The following GMDS variants were observed in gnomAD, a reference collection of about 807,000 sequenced individuals.
GMDS encodes GDP-mannose 4,6 dehydratase.
GMDS carries 20 observed loss-of-function variants against 49.9 expected under a neutral mutation model. That is an observed-to-expected ratio of 0.40 (90% CI 0.28 to 0.58). GMDS has a LOEUF of 0.58. Ranked by LOEUF, GMDS falls within the 20% of genes least tolerant of loss-of-function variation. The probability of loss-of-function intolerance (pLI) is 0.42; values close to 1 mark genes in which losing one functional copy is unlikely to be tolerated. For missense variants in GMDS, 362 were observed against 481.4 expected (o/e 0.75, Z 2.32); for synonymous variants, 177 against 178.6 (o/e 0.99, Z 0.07).
intron 8 of GMDS, among the ~76,000 whole-genome samples, chr6:1,734,648 A>G (rs1466571309): frequency 6.6e-6 from 1 of 152,224 alleles, no homozygotes; most frequent in Non-Finnish European, 1.5e-5. Flanking sequence ...CTCCTCAAAC[A>G]TTAATTTCAG....
At chr6:1,872,472 GCT>G (rs1758813772) in intron 7 of GMDS, among the ~76,000 whole-genome samples, 1 of 152,100 alleles carries the variant, frequency 6.6e-6, no homozygotes, top group Admixed American at 6.6e-5. Context: ...TTCCCCAATC[GCT>G]CTGTCAGAAC....
At chr6:2,194,031 T>A (rs1473725415) in intron 1 of GMDS, among the ~76,000 whole-genome samples, 1 of 76,586 alleles carries the variant, frequency 1.3e-5, no homozygotes, top group Non-Finnish European at 2.3e-5. Flanking sequence ...AAAAATGCTA[T>A]TTTTTTTTAA....
chr6:2,024,824 T>TA (rs200683361), intron 4 of GMDS, among the ~76,000 whole-genome samples: 2,671 of 151,414 alleles, frequency 0.018, 80 homozygotes, highest in African/African-American at 0.062. Context: ...ACTCCTAAGT[T>TA]AAAAAAAATA....
chr6:1,624,530 T>A lies in GMDS; in HGVS notation c.998A>T (p.Gln333Leu), dbSNP rs1194072804. Residue 333 changes from glutamine to leucine, a missense_variant, in exon 10 of 11, where the codon CAG becomes CTG. Coordinates refer to ENST00000380815, the MANE Select transcript of GMDS (RefSeq NM_001500.4). ...CTGTTTCGCTTTGGTGCAGTCGCCC[T>A]GCAGAAAGTCCTAGGGAAGAAGAGG... is the stretch of plus-strand genomic sequence containing the variant. ...YYRPTEVDFL[Q>L]GDCTKAKQKL... 3 of 1,613,294 alleles carry A rather than the reference T, an allele frequency of 1.9e-6. No individual in the cohort carries two copies. The highest frequency in any genetic ancestry group is 2.2e-5 in the East Asian group (1 of 44,842).
intron 4 of GMDS, among the ~76,000 whole-genome samples, chr6:2,039,466 A>G (rs955977616): frequency 2.0e-5 from 3 of 152,186 alleles, no homozygotes; most frequent in Non-Finnish European, 4.4e-5. Context: ...AGTATTTTTA[A>G]TTTTTTGATT....
intron 6 of GMDS, among the ~76,000 whole-genome samples, chr6:1,946,528 C>A (rs1482218085): frequency 6.6e-6 from 1 of 152,146 alleles, no homozygotes; most frequent in Non-Finnish European, 1.5e-5. Flanking sequence ...ACTAACATCA[C>A]TAACAGTCCC....
rs540624238 is a variant in GMDS at position 1,842,913 on chromosome 6, G to C, written c.771+87190C>G. Among the ~76,000 whole-genome samples, 4 of 152,086 alleles carry C rather than the reference G, an allele frequency of 2.6e-5. No individual in the cohort carries two copies. The East Asian group carries it at 7.8e-4, about 29-fold the overall frequency. On this transcript the variant is annotated intron_variant, in intron 7 of 10. Coordinates refer to ENST00000380815, the MANE Select transcript of GMDS (RefSeq NM_001500.4). ...GTGGATTGCTTGAGCTCAGGCATTC[G>C]AGACCAGCCTGGGCAACATGGTGAA...
At chr6:2,036,895 C>T (rs1244478104) in intron 4 of GMDS, among the ~76,000 whole-genome samples, 3 of 152,168 alleles carry the variant, frequency 2.0e-5, no homozygotes. Context: ...AACCATAAAA[C>T]ACACTTTCGT....
At chr6:2,217,750 T>C (rs899939915) in intron 1 of GMDS, among the ~76,000 whole-genome samples, 2 of 152,170 alleles carry the variant, frequency 1.3e-5, no homozygotes, top group African/African-American at 4.8e-5. Flanking sequence ...CAGGGCACTT[T>C]AATAAAGGTA....
chr6:1,698,525 T>C (rs1019889087), intron 9 of GMDS, among the ~76,000 whole-genome samples: 3 of 152,184 alleles, frequency 2.0e-5, no homozygotes, highest in Non-Finnish European at 4.4e-5. Flanking sequence ...ACTTTGCTTA[T>C]TAGAAAAATA....
At chr6:1,911,512 CG>C (rs1761053392) in intron 7 of GMDS, among the ~76,000 whole-genome samples, 2 of 150,670 alleles carry the variant, frequency 1.3e-5, no homozygotes, top group Admixed American at 6.6e-5. Context: ...AAAAAACAGA[CG>C]TTTATATTTT....
intron 7 of GMDS, among the ~76,000 whole-genome samples, chr6:1,744,555 A>G (rs1179482380): frequency 7.0e-6 from 1 of 141,976 alleles, no homozygotes; most frequent in Non-Finnish European, 1.5e-5. Flanking sequence ...TGGAGTCTAC[A>G]ATGGCTTGGT....
At chr6:1,626,943 A>C (rs965569652) in intron 9 of GMDS, among the ~76,000 whole-genome samples, 2 of 152,262 alleles carry the variant, frequency 1.3e-5, no homozygotes, top group Non-Finnish European at 2.9e-5. Flanking sequence ...CACCCAGTTA[A>C]ACTTCTCAAT....
At chr6:1,805,257 T>C (rs1337843773) in intron 7 of GMDS, among the ~76,000 whole-genome samples, 4 of 152,232 alleles carry the variant, frequency 2.6e-5, no homozygotes, top group African/African-American at 9.6e-5. Context: ...TTTTTCCTGG[T>C]AGTTATATAT....
Position 1,914,131 on chromosome 6 carries a change from GT to G in GMDS, c.771+15971del, listed in dbSNP as rs563808537. Among the ~76,000 whole-genome samples the G allele has an allele frequency of 7.8e-3, 610 of 77,842 alleles. 3 individuals carry two copies. The highest frequency in any genetic ancestry group is 0.014 in the African/African-American group (302 of 21,726). 51.1% of individuals were successfully genotyped at this position (77,842 alleles called of 152,430 possible). A position where few individuals can be genotyped will look rare whatever the true frequency, so the allele number is the denominator to read the frequency against. ...ATTATCATGAAAGCGTTTTTTGTTT[GT>G]TTTTTTTTTTTTTTTTTTTTTTTTT... On this transcript the variant is annotated intron_variant, in intron 7 of 10. Coordinates refer to ENST00000380815, the MANE Select transcript of GMDS (RefSeq NM_001500.4).
At chr6:1,792,978 T>C (rs1183736404) in intron 7 of GMDS, among the ~76,000 whole-genome samples, 3 of 152,246 alleles carry the variant, frequency 2.0e-5, no homozygotes, top group Non-Finnish European at 2.9e-5. Flanking sequence ...ATTCATATGA[T>C]AATTTCCTTA....
chr6:2,017,854 T>C (rs1032198675), intron 4 of GMDS, among the ~76,000 whole-genome samples: 4 of 152,046 alleles, frequency 2.6e-5, no homozygotes, highest in African/African-American at 9.7e-5. Flanking sequence ...AAACATTACA[T>C]TTCCAAAAAA....
At chr6:1,702,165 C>A (rs1294510345) in intron 9 of GMDS, among the ~76,000 whole-genome samples, 1 of 152,268 alleles carries the variant, frequency 6.6e-6, no homozygotes, top group African/African-American at 2.4e-5. Context: ...CAAGCTCGAG[C>A]TTTGACAGCA....
chr6:1,760,568 G>A (rs544117708), intron 7 of GMDS, among the ~76,000 whole-genome samples: 18 of 152,276 alleles, frequency 1.2e-4, no homozygotes, highest in African/African-American at 2.6e-4. Flanking sequence ...CCCCACCGCC[G>A]AGGACCGCCC....
Sources: allele counts gnomAD v4.1 joint callset (sites outside exome capture counted in the v4.1 genomes callset), GRCh38; gene constraint gnomAD v4.1.1; transcripts MANE v1.5; gene names NCBI Gene and HGNC (gene_info 2026-07-23, HGNC 2026-07-21).